Variants in SLTM observed in about 807,000 individuals in gnomAD.
SLTM encodes SAFB like transcription modulator.
In SLTM, 43 loss-of-function variants were observed where a neutral mutation model predicts 134.6. The observed-to-expected ratio is 0.32, with a 90% CI of 0.25 to 0.41. The LOEUF (loss-of-function observed/expected upper bound fraction) is 0.41, where lower values mean the gene tolerates loss of function less well. Ranked by LOEUF, SLTM falls within the 10% of genes least tolerant of loss-of-function variation. SLTM has a pLI of 1.00. For missense variants in SLTM, 1,055 were observed against 1,288.8 expected, an observed-to-expected ratio of 0.82 and a Z score of 2.78; for synonymous variants, 424 against 432.3, an observed-to-expected ratio of 0.98 and a Z score of 0.24.
chr15:58,922,377 CAAAAAAA>C (rs59996812), intron 2 of SLTM, among the ~76,000 whole-genome samples: 32 of 61,130 alleles, frequency 5.2e-4, no homozygotes, highest in Admixed American at 2.7e-4. Flanking sequence ...AACTCTGCCT[CAAAAAAA>C]AAAAAAAAAA....
chr15:58,895,039 C>T lies in SLTM; in HGVS notation c.1228-457G>A, dbSNP rs544063638. 1.2e-4 allele frequency among the ~76,000 whole-genome samples: 18 copies of T among 152,206 alleles called. No homozygotes were observed. The East Asian group carries it at 2.1e-3, about 18-fold the overall frequency. Reference sequence around the variant, plus strand: ...TTCTTGTGATCACCATCTACGTTACCCATCTTAGTAAATATTCAGGGGAAC... The same window carrying T: ...TTCTTGTGATCACCATCTACGTTACTCATCTTAGTAAATATTCAGGGGAAC... On this transcript the variant is annotated intron_variant, in intron 9 of 20. Coordinates refer to ENST00000380516, the MANE Select transcript of SLTM (RefSeq NM_024755.4).
intron 2 of SLTM, among the ~76,000 whole-genome samples, chr15:58,917,778 C>T (rs530679089): frequency 3.3e-5 from 5 of 152,162 alleles, no homozygotes; most frequent in African/African-American, 7.2e-5. Flanking sequence ...GAGACAGAGT[C>T]GCACTCTGTC....
chr15:58,925,650 T>A (rs1375568514), intron 2 of SLTM, among the ~76,000 whole-genome samples: 1 of 152,172 alleles, frequency 6.6e-6, no homozygotes, highest in Non-Finnish European at 1.5e-5. Flanking sequence ...ATAGGTCACT[T>A]TGAAAAATTA....
chr15:58,883,271 C>T (rs933776019), intron 20 of SLTM, among the ~76,000 whole-genome samples: 10 of 152,226 alleles, frequency 6.6e-5, no homozygotes, highest in African/African-American at 2.4e-4. Context: ...GCCAAGACCT[C>T]GCCACTGCAG....
rs1004696637 is a variant in SLTM, at chr15:58,893,683, T to C, written c.1648+138A>G. On this transcript the variant is annotated intron_variant, in intron 12 of 20. Transcript: ENST00000380516. Reference sequence around the variant, plus strand: ...GAGTAGAAAAGAAGACAATTACTCCTACTAGACCTCCTTTCCTACCACAAT... The same window carrying C: ...GAGTAGAAAAGAAGACAATTACTCCCACTAGACCTCCTTTCCTACCACAAT... 6.9e-5 allele frequency: 60 copies of C among 873,064 alleles called. No individual in the cohort carries two copies. In the Admixed American group the frequency reaches 1.7e-3, roughly 25 times the overall value. 54.1% of individuals were successfully genotyped at this position (873,064 alleles called of 1,614,324 possible).
intron 20 of SLTM, among the ~76,000 whole-genome samples, chr15:58,881,405 T>C (rs1653323024): frequency 6.6e-6 from 1 of 151,648 alleles, no homozygotes; most frequent in African/African-American, 2.4e-5. Context: ...GCACACGCTG[T>C]TGTCCCAGTT....
At chr15:58,929,852 G>A (rs904948935) in intron 2 of SLTM, among the ~76,000 whole-genome samples, 3 of 152,262 alleles carry the variant, frequency 2.0e-5, no homozygotes, top group South Asian at 2.1e-4. Context: ...GATCAGTAGC[G>A]CTTGGAATTT....
At chr15:58,913,379 G>A in intron 4 of SLTM, 120 bp downstream of exon 4, 1 of 801,998 alleles carries the variant, frequency 1.2e-6, no homozygotes, top group South Asian at 2.2e-5. Context: ...CTTATAAGTA[G>A]CTTTAGTAAC....
chr15:58,910,934 C>A lies in SLTM; in HGVS notation c.561+1629G>T, dbSNP rs377684935. 9.9e-5 allele frequency among the ~76,000 whole-genome samples: 15 copies of A among 151,840 alleles called. No homozygotes were observed. The East Asian group carries it at 1.2e-3, about 12-fold the overall frequency. On this transcript the variant is annotated intron_variant, in intron 5 of 20. Transcript: ENST00000380516. ...TAATTTTTTGTATTTTTAGTAGAGACCAGGTTTCACCATATTGGCCAGGCT... is the reference window on the plus strand; with the variant it reads ...TAATTTTTTGTATTTTTAGTAGAGAACAGGTTTCACCATATTGGCCAGGCT...
At chr15:58,887,708 C>T in intron 17 of SLTM, 168 bp from the exon 18 acceptor site, 1 of 873,554 alleles carries the variant, frequency 1.1e-6, no homozygotes, top group Middle Eastern at 5.8e-4. Context: ...TTCTTTTAAA[C>T]TGAACTAAGT....
At position 58,887,386 on chromosome 15, in the gene SLTM, G is replaced by T. The variant is rs1297402680; in HGVS notation, c.2530C>A (p.Arg844=). 1.9e-6 allele frequency: 3 copies of T among 1,613,774 alleles called. No individual in the cohort carries two copies. Among genetic ancestry groups the T allele is most frequent in the Non-Finnish European group, 2.5e-6 (3 of 1,179,974 alleles). Residue 844 remains arginine (R), a synonymous_variant, in exon 18 of 21, where the codon CGA becomes AGA. Transcript: ENST00000380516. ...PRNELRESDR[R]EVRGERDERR... is the part of the protein sequence containing the mutation. ...TCGTCTCGCTCCCCTCGTACTTCTC[G>T]CCTGTCTGATTCTCTAAGTTCATTT...
intron 9 of SLTM, among the ~76,000 whole-genome samples, chr15:58,895,849 A>G (rs2035039266): frequency 6.6e-6 from 1 of 152,190 alleles, no homozygotes; most frequent in Non-Finnish European, 1.5e-5. Flanking sequence ...CACTAATTGA[A>G]GCAGGAAAAA....
intron 2 of SLTM, among the ~76,000 whole-genome samples, chr15:58,919,097 G>T (rs2036843251): frequency 6.6e-6 from 1 of 152,052 alleles, no homozygotes; most frequent in African/African-American, 2.4e-5. Flanking sequence ...ATTTTTAGTA[G>T]AGACGGGGTT....
intron 16 of SLTM, 151 bp from the exon 17 acceptor site, chr15:58,888,706 A>C: frequency 1.7e-6 from 1 of 583,934 alleles, no homozygotes; most frequent in Non-Finnish European, 2.8e-6. Context: ...CAAACTAGCA[A>C]AGACTTAATT....
intron 14 of SLTM, among the ~76,000 whole-genome samples, chr15:58,891,679 T>C (rs1280040373): frequency 6.6e-6 from 1 of 152,236 alleles, no homozygotes; most frequent in African/African-American, 2.4e-5. Flanking sequence ...AACATCTGAC[T>C]ACTTCATTAA....
rs752582940 is a variant in SLTM, at chr15:58,913,478, TA to T, written c.513+20del. 7.7e-6 allele frequency: 12 copies of T among 1,565,080 alleles called. No individual in the cohort carries two copies. The highest frequency in any genetic ancestry group is 7.8e-6 in the Non-Finnish European group (9 of 1,153,730). On this transcript the variant is annotated intron_variant, in intron 4 of 20. Transcript: ENST00000380516. ...AACTTAATTTATCTGTGTCATGTTTTAAAAAAAACTGGCTAAAGACCTGACT... is the reference window on the plus strand; with the variant it reads ...AACTTAATTTATCTGTGTCATGTTTTAAAAAAACTGGCTAAAGACCTGACT...
At chr15:58,898,555 G>GT (rs1595867818) in intron 8 of SLTM, 2 of 384,248 alleles carry the variant, frequency 5.2e-6, no homozygotes, top group East Asian at 1.2e-4. Context: ...AACACACCAG[G>GT]TAAGTGTTCC....
chr15:58,880,498 A>G (rs146912326), intron 20 of SLTM, among the ~76,000 whole-genome samples: 19 of 152,246 alleles, frequency 1.2e-4, no homozygotes, highest in African/African-American at 4.6e-4. Context: ...ATCTCAGACC[A>G]CAGAGAAAGA....
chr15:58,897,858 T>G (rs1390341805), intron 8 of SLTM: 1 of 152,126 alleles, frequency 6.6e-6, no homozygotes, highest in Non-Finnish European at 1.5e-5. Flanking sequence ...AATGATTATA[T>G]GAATCATTTC....
Sources: gnomAD v4.1 joint callset for allele counts (sites outside exome capture counted in the v4.1 genomes callset) on GRCh38, gnomAD v4.1.1 for gene constraint, MANE v1.5 for transcripts, NCBI Gene and HGNC (gene_info 2026-07-23, HGNC 2026-07-21) for gene names.